The following RASGRF2 variants were observed in gnomAD, a reference collection of about 807,000 sequenced individuals.
The protein encoded by RASGRF2 is Ras protein specific guanine nucleotide releasing factor 2.
Under a neutral mutation model 151.0 loss-of-function variants are expected in RASGRF2, and 76 were observed. The observed-to-expected ratio is 0.50, with a 90% CI of 0.42 to 0.61. RASGRF2 has a LOEUF of 0.61. Among genes scored for constraint, RASGRF2 ranks in the 20% least tolerant of loss-of-function variants. The probability of loss-of-function intolerance (pLI) is 0.00; values close to 1 mark genes in which losing one functional copy is unlikely to be tolerated. For synonymous variants in RASGRF2, 504 were observed against 566.5 expected, an observed-to-expected ratio of 0.89 and a Z score of 1.57; for missense variants, 1,148 against 1,564.6, an observed-to-expected ratio of 0.73 and a Z score of 4.49.
chr5:81,104,379 G>A (rs1752787127), intron 12 of RASGRF2, among the ~76,000 whole-genome samples: 1 of 151,884 alleles, frequency 6.6e-6, no homozygotes, highest in Admixed American at 6.5e-5. Context: ...TTCGTGAAGA[G>A]AGAGAGATGA....
rs549687749 is a variant in RASGRF2 at position 81,197,728 on chromosome 5, C to A, written c.2794-3602C>A. On this transcript the variant is annotated intron_variant, in intron 18 of 26. Coordinates refer to ENST00000265080, the MANE Select transcript of RASGRF2 (RefSeq NM_006909.3). ...ATGTCAGTGCTTCAAAATTACTTTC[C>A]TGAAAGTTAAAATGTAATTATAATA... Among the ~76,000 whole-genome samples, 3 of 152,180 alleles carry A rather than the reference C, an allele frequency of 2.0e-5. No homozygotes were observed. In the South Asian group the frequency reaches 6.2e-4, roughly 32 times the overall value.
At chr5:81,194,264 C>T (rs913318946) in intron 18 of RASGRF2, among the ~76,000 whole-genome samples, 3 of 151,312 alleles carry the variant, frequency 2.0e-5, no homozygotes, top group East Asian at 2.0e-4. Context: ...GCCGAGGTGG[C>T]GGGAATCCCT....
At chr5:81,065,935 G>A (rs1230757968) in intron 2 of RASGRF2, among the ~76,000 whole-genome samples, 2 of 152,168 alleles carry the variant, frequency 1.3e-5, no homozygotes, top group African/African-American at 2.4e-5. Flanking sequence ...GGAAGCGCAG[G>A]GAGGGGGACG....
chr5:81,039,838 T>G (rs1750626514), intron 1 of RASGRF2, among the ~76,000 whole-genome samples: 1 of 152,248 alleles, frequency 6.6e-6, no homozygotes, highest in African/African-American at 2.4e-5. Context: ...ACAGTAGTTT[T>G]GTTATGCAGA....
At chr5:81,156,006 A>G (rs1463641087) in intron 17 of RASGRF2, among the ~76,000 whole-genome samples, 1 of 152,194 alleles carries the variant, frequency 6.6e-6, no homozygotes, top group Admixed American at 6.5e-5. Context: ...GCATGCAGCT[A>G]TGTCCAGGTA....
rs150418580 is a variant in RASGRF2, at chr5:81,124,147, A to C, written c.2596+380A>C. 4.4e-3 allele frequency among the ~76,000 whole-genome samples: 674 copies of C among 152,362 alleles called. 8 individuals are homozygous for C. Among genetic ancestry groups the C allele is most frequent in the African/African-American group, 0.015 (633 of 41,584 alleles). ...TTAAAATATACAGGAAAATATGCAT[A>C]GATTATATTCAAATACTACACGATT... On this transcript the variant is annotated intron_variant, in intron 16 of 26. Coordinates refer to ENST00000265080, the MANE Select transcript of RASGRF2 (RefSeq NM_006909.3).
intron 17 of RASGRF2, among the ~76,000 whole-genome samples, chr5:81,138,268 T>C (rs868846488): frequency 2.6e-5 from 4 of 152,176 alleles, no homozygotes; most frequent in Admixed American, 6.5e-5. Flanking sequence ...TCCAGTGATA[T>C]AGCTTCTTTT....
chr5:81,077,269 A>G (rs1174004263), intron 5 of RASGRF2, among the ~76,000 whole-genome samples: 1 of 152,218 alleles, frequency 6.6e-6, no homozygotes, highest in Non-Finnish European at 1.5e-5. Context: ...CAAGGTCTAG[A>G]GTACAATCAA....
chr5:81,013,825 G>A (rs1749546985), intron 1 of RASGRF2, among the ~76,000 whole-genome samples: 1 of 152,008 alleles, frequency 6.6e-6, no homozygotes, highest in Non-Finnish European at 1.5e-5. Context: ...TACCAGTGTT[G>A]TATCGGTGTT....
At chr5:81,182,438 G>T (rs191569955) in intron 18 of RASGRF2, among the ~76,000 whole-genome samples, 11 of 152,168 alleles carry the variant, frequency 7.2e-5, no homozygotes, top group African/African-American at 1.9e-4. Flanking sequence ...ATGAGTACAC[G>T]ACCGTGTGCA....
chr5:81,084,773 T>A (rs891110130), intron 7 of RASGRF2, among the ~76,000 whole-genome samples: 25 of 152,184 alleles, frequency 1.6e-4, no homozygotes, highest in Admixed American at 1.6e-3. Flanking sequence ...TGTAGTTTCT[T>A]CATTCTCAAA....
intron 1 of RASGRF2, among the ~76,000 whole-genome samples, chr5:80,977,572 C>G (rs1425723003): frequency 6.6e-6 from 1 of 152,010 alleles, no homozygotes; most frequent in Admixed American, 6.6e-5. Flanking sequence ...AAGCGATTCT[C>G]CAGCCTCTAG....
intron 1 of RASGRF2, among the ~76,000 whole-genome samples, chr5:80,970,323 T>G (rs2112216138): frequency 6.6e-6 from 1 of 152,314 alleles, no homozygotes. Context: ...TATGACTGAT[T>G]GTTTTAGGCC....
chr5:81,115,269 C>T (rs913059964), intron 15 of RASGRF2, among the ~76,000 whole-genome samples: 3 of 152,090 alleles, frequency 2.0e-5, no homozygotes, highest in African/African-American at 7.2e-5. Context: ...TCAAAAGTTG[C>T]ACTCTTTTAA....
chr5:81,062,623 A>G (rs1325694274), intron 2 of RASGRF2, among the ~76,000 whole-genome samples: 2 of 152,154 alleles, frequency 1.3e-5, no homozygotes, highest in African/African-American at 2.4e-5. Context: ...GAACATTTCC[A>G]TAGTGGTTAT....
At chr5:81,183,396 T>C (rs1218737926) in intron 18 of RASGRF2, 1 of 844,674 alleles carries the variant, frequency 1.2e-6, no homozygotes, top group African/African-American at 1.8e-5. Context: ...GGGTTAGGGG[T>C]TGGTTCTCCA....
chr5:81,026,927 A>T (rs1750055769), intron 1 of RASGRF2, among the ~76,000 whole-genome samples: 1 of 152,220 alleles, frequency 6.6e-6, no homozygotes, highest in Non-Finnish European at 1.5e-5. Flanking sequence ...TTGGGGAAAG[A>T]TTTCGTGAAT....
At chr5:81,116,613 T>A (rs565453549) in intron 15 of RASGRF2, among the ~76,000 whole-genome samples, 2 of 152,314 alleles carry the variant, frequency 1.3e-5, no homozygotes, top group East Asian at 1.9e-4. Flanking sequence ...TCAATAGTAT[T>A]GTTGAACGAC....
intron 1 of RASGRF2, among the ~76,000 whole-genome samples, chr5:80,970,532 T>C (rs1264175297): frequency 2.7e-5 from 4 of 147,388 alleles, no homozygotes; most frequent in Admixed American, 2.7e-4. Flanking sequence ...TCACTGAGTC[T>C]TTCCTCATAG....
Sources: gnomAD v4.1 joint callset for allele counts (sites outside exome capture counted in the v4.1 genomes callset) on GRCh38, gnomAD v4.1.1 for gene constraint, MANE v1.5 for transcripts, NCBI Gene and HGNC (gene_info 2026-07-23, HGNC 2026-07-21) for gene names.